RASGEF1C: variants seen among roughly 807,000 people sequenced by gnomAD.
The protein encoded by RASGEF1C is ras-GEF domain-containing family member 1C.
In RASGEF1C, 27 loss-of-function variants were observed where a neutral mutation model predicts 58.1. The ratio of observed to expected loss-of-function variants is 0.46; its 90% CI spans 0.34 to 0.64. The LOEUF is 0.64. RASGEF1C is among the 30% of genes least tolerant of loss of function. The pLI is 0.01. For synonymous variants in RASGEF1C, 243 were observed against 246.3 expected (o/e 0.99, Z 0.13); for missense variants, 502 against 605.1 (o/e 0.83, Z 1.79).
chr5:180,204,709 G>A (rs1756460317), intron 1 of RASGEF1C, among the ~76,000 whole-genome samples: 1 of 151,942 alleles, frequency 6.6e-6, no homozygotes, highest in Non-Finnish European at 1.5e-5. Flanking sequence ...CTTAATAGGG[G>A]AAGTATTAGA....
Position 180,197,833 on chromosome 5 carries a change from C to A in RASGEF1C, c.-7+11195G>T, listed in dbSNP as rs1197281182. 1.3e-5 allele frequency among the ~76,000 whole-genome samples: 2 copies of A among 152,232 alleles called. No individual in the cohort carries two copies. Among genetic ancestry groups the A allele is most frequent in the Admixed American group, 6.5e-5 (1 of 15,284 alleles). On this transcript the variant is annotated intron_variant, in intron 1 of 13. Coordinates refer to ENST00000361132, the MANE Select transcript of RASGEF1C (RefSeq NM_175062.4). This position sits in a 1 kb window ranked among gnomAD's most constrained non-coding sequence, Gnocchi z 4.7. ...GATTTTAAAACAAACAACTAAACAA[C>A]TTCCTGACCAAATGACCCAGGTAGA...
chr5:180,190,477 G>A (rs566297585), intron 1 of RASGEF1C, among the ~76,000 whole-genome samples: 25 of 90,544 alleles, frequency 2.8e-4, no homozygotes, highest in African/African-American at 8.3e-4. Context: ...GTGACAGAGT[G>A]AGACTCCGTC....
Position 180,118,781 on chromosome 5 carries a change from A to G in RASGEF1C, c.987+6T>C, listed in dbSNP as rs1440132798. On this transcript the variant is annotated splice_donor_region_variant and intron_variant, in intron 9 of 13. Coordinates refer to ENST00000361132, the MANE Select transcript of RASGEF1C (RefSeq NM_175062.4). ...AGGCACCCGGCAGCCCAGCAGCCTC[A>G]TTTACCTCGAGGATGAAAAACTTGG... 6.2e-7 allele frequency: 1 copy of G among 1,614,132 alleles called. No individual in the cohort carries two copies. Among genetic ancestry groups the G allele is most frequent in the East Asian group, 2.2e-5 (1 of 44,874 alleles).
At chr5:180,176,703 T>C (rs11745206) in intron 1 of RASGEF1C, among the ~76,000 whole-genome samples, 24,655 of 151,888 alleles carry the variant, frequency 0.16, 2,239 homozygotes, top group Middle Eastern at 0.27. Flanking sequence ...ACTATAGGCG[T>C]CTGCCACCAT....
rs1405259237 is a variant in RASGEF1C at position 180,143,947 on chromosome 5, A to C, written c.-6-5889T>G. On this transcript the variant is annotated intron_variant, in intron 1 of 13. Coordinates refer to ENST00000361132, the MANE Select transcript of RASGEF1C (RefSeq NM_175062.4). The surrounding 1 kb of genome is among the most constrained non-coding windows in gnomAD (Gnocchi z 4.3). ...GGTGTGGCAGAAGGGACAGAGGTAA[A>C]GAAGGCTCCCGAAGGCCCCTGTGAG... is the stretch of plus-strand genomic sequence containing the variant. Among the ~76,000 whole-genome samples, 1 of 152,154 alleles carries C rather than the reference A, an allele frequency of 6.6e-6. No individual in the cohort carries two copies. The highest frequency in any genetic ancestry group is 2.4e-5 in the African/African-American group (1 of 41,444).
At chr5:180,138,685 C>G (rs537856329) in intron 1 of RASGEF1C, among the ~76,000 whole-genome samples, 7 of 152,330 alleles carry the variant, frequency 4.6e-5, no homozygotes, top group Admixed American at 3.3e-4. Flanking sequence ...GTCAAAACTG[C>G]TGTCCTCCTT....
At chr5:180,201,397 G>T (rs556841196) in intron 1 of RASGEF1C, among the ~76,000 whole-genome samples, 8 of 152,246 alleles carry the variant, frequency 5.3e-5, no homozygotes, top group Non-Finnish European at 8.8e-5. Flanking sequence ...GCCTCCCAAA[G>T]CACAAGAAAA....
intron 1 of RASGEF1C, among the ~76,000 whole-genome samples, chr5:180,147,477 A>T (rs947674760): frequency 2.6e-5 from 4 of 151,992 alleles, no homozygotes; most frequent in South Asian, 2.1e-4. Context: ...GCTGTATCCC[A>T]TGTTTTAGTA....
chr5:180,195,622 C>T (rs1304040783), intron 1 of RASGEF1C, among the ~76,000 whole-genome samples: 3 of 151,878 alleles, frequency 2.0e-5, no homozygotes, highest in Admixed American at 6.6e-5. Context: ...ATTAGCTGGG[C>T]GCGGTGGCGG....
chr5:180,178,849 G>A (rs1006672645), intron 1 of RASGEF1C, among the ~76,000 whole-genome samples: 2 of 152,114 alleles, frequency 1.3e-5, no homozygotes, highest in Non-Finnish European at 2.9e-5. Context: ...CGGCTGATAT[G>A]TGGAGGGGAC....
At chr5:180,188,887 C>G (rs946865146) in intron 1 of RASGEF1C, among the ~76,000 whole-genome samples, 1 of 152,114 alleles carries the variant, frequency 6.6e-6, no homozygotes, top group Admixed American at 6.6e-5. Context: ...CCACGAATAC[C>G]CAGCAATCCA....
chr5:180,155,230 G>A lies in RASGEF1C; in HGVS notation c.-6-17172C>T, dbSNP rs1036444477. 6.6e-6 allele frequency among the ~76,000 whole-genome samples: 1 copy of A among 152,176 alleles called. No homozygotes were observed. The highest frequency in any genetic ancestry group is 2.4e-5 in the African/African-American group (1 of 41,444). The stretch of plus-strand genomic sequence containing the variant: ...TCATGTCTGGCTGCCCCGAGCAGTG[G>A]TAGCATCACGTCTAGGCTCTGAAAG... On this transcript the variant is annotated intron_variant, in intron 1 of 13. Coordinates refer to ENST00000361132, the MANE Select transcript of RASGEF1C (RefSeq NM_175062.4). The surrounding 1 kb of genome is among the most constrained non-coding windows in gnomAD (Gnocchi z 5.2).
chr5:180,102,131 GCC>G lies in RASGEF1C; in HGVS notation c.1314_1315del (p.Leu438PhefsTer6). ...CTCTGGGCTCTCACTTTCGTAAGAA[GCC>G]AAATAAAGACCTAGACAGAAAATGA... On this transcript the variant is annotated frameshift_variant, in exon 13 of 14. Coordinates refer to ENST00000361132, the MANE Select transcript of RASGEF1C (RefSeq NM_175062.4). LOFTEE classifies it high-confidence loss of function. 6.3e-7 allele frequency: 1 copy of G among 1,576,098 alleles called. No homozygotes were observed. Among genetic ancestry groups the G allele is most frequent in the East Asian group, 2.2e-5 (1 of 44,722 alleles).
intron 1 of RASGEF1C, among the ~76,000 whole-genome samples, chr5:180,182,465 G>A (rs552607862): frequency 1.3e-5 from 2 of 152,294 alleles, no homozygotes; most frequent in South Asian, 2.1e-4. Context: ...GAGAACCCCA[G>A]CAGGTTGCCG....
At chr5:180,153,321 T>C (rs1413731963) in intron 1 of RASGEF1C, among the ~76,000 whole-genome samples, 1 of 152,194 alleles carries the variant, frequency 6.6e-6, no homozygotes, top group African/African-American at 2.4e-5. Context: ...AGGCTGTGTG[T>C]AAGCTGTTCC....
intron 1 of RASGEF1C, among the ~76,000 whole-genome samples, chr5:180,163,329 G>A (rs1189527720): frequency 1.4e-5 from 2 of 142,848 alleles, no homozygotes; most frequent in Non-Finnish European, 3.0e-5. Context: ...ACTTGTTCCT[G>A]ATCTTAGGGA....
intron 1 of RASGEF1C, among the ~76,000 whole-genome samples, chr5:180,142,576 G>C (rs1766596709): frequency 6.6e-6 from 1 of 152,188 alleles, no homozygotes; most frequent in African/African-American, 2.4e-5. Flanking sequence ...AACAAAGGGA[G>C]CATGGACGGG....
At chr5:180,124,852 C>A (rs551783204) in intron 6 of RASGEF1C, among the ~76,000 whole-genome samples, 1 of 151,888 alleles carries the variant, frequency 6.6e-6, no homozygotes, top group African/African-American at 2.4e-5. Flanking sequence ...AAAAACTAGG[C>A]CAGGTGAGGT....
intron 4 of RASGEF1C, among the ~76,000 whole-genome samples, chr5:180,133,737 T>C (rs1395782497): frequency 1.3e-5 from 2 of 151,070 alleles, no homozygotes; most frequent in African/African-American, 2.5e-5. Flanking sequence ...ATTGTTGGAG[T>C]TGGGTGATGA....
Sources: allele counts gnomAD v4.1 joint callset (sites outside exome capture counted in the v4.1 genomes callset), GRCh38; gene constraint gnomAD v4.1.1; non-coding constraint Gnocchi (gnomAD v3.1); transcripts MANE v1.5; gene names NCBI Gene and HGNC (gene_info 2026-07-23, HGNC 2026-07-21).